The following AFDN variants were observed in gnomAD, a reference collection of about 807,000 sequenced individuals.
AFDN encodes afadin, adherens junction formation factor.
AFDN carries 68 observed loss-of-function variants against 216.6 expected under a neutral mutation model. The observed-to-expected ratio is 0.31, with a 90% CI of 0.26 to 0.38. The LOEUF (loss-of-function observed/expected upper bound fraction) is 0.38. Ranked by LOEUF, AFDN falls within the 10% of genes least tolerant of loss-of-function variation. The pLI is 1.00. For synonymous variants in AFDN, 868 were observed against 853.7 expected (o/e 1.02, Z -0.29); for missense variants, 2,136 against 2,342.0 (o/e 0.91, Z 1.82).
At chr6:167,966,826 G>A (rs1797614815) in intron 32 of AFDN, among the ~76,000 whole-genome samples, 1 of 152,212 alleles carries the variant, frequency 6.6e-6, no homozygotes, top group Non-Finnish European at 1.5e-5. Flanking sequence ...TGACCTCCGT[G>A]CAGGCTGCCT....
At chr6:167,952,577 C>T in intron 30 of AFDN, 1 of 895,502 alleles carries the variant, frequency 1.1e-6, no homozygotes, top group Non-Finnish European at 1.3e-6. Flanking sequence ...GCTTTGCAGG[C>T]CACGGGGTCT....
intron 20 of AFDN, among the ~76,000 whole-genome samples, chr6:167,917,544 A>G (rs9355044): frequency 0.45 from 68,975 of 151,954 alleles, 16,419 homozygotes; most frequent in East Asian, 0.8. Context: ...GAGGGTGGGT[A>G]CCTCTGTCAC....
At position 167,864,634 on chromosome 6, in the gene AFDN, T is replaced by C; in HGVS notation, c.189T>C (p.Ser63=). ...GNFATKCIRV[S]STATTQDVIE... ...TTGCAACAAAATGTATTCGGGTCTC[T>C]AGTACTGCCACCACTCAAGATGTAA... The change falls in exon 2 of 34, where the codon TCT becomes TCC. Residue 63 remains serine (S), a synonymous_variant. Transcript: ENST00000683244. 1 of 1,614,210 alleles carries C rather than the reference T, an allele frequency of 6.2e-7. No individual in the cohort carries two copies. The highest frequency in any genetic ancestry group is 8.5e-7 in the Non-Finnish European group (1 of 1,180,034).
chr6:167,907,343 A>T (rs146592283), intron 13 of AFDN, 54 bp downstream of exon 13: 2 of 1,385,244 alleles, frequency 1.4e-6, no homozygotes. Flanking sequence ...TTCCTAAAAA[A>T]GGGTTGGGAT....
intron 31 of AFDN, chr6:167,963,218 T>C: frequency 9.4e-7 from 1 of 1,065,606 alleles, no homozygotes; most frequent in Non-Finnish European, 1.1e-6. Context: ...GATGTTTCTC[T>C]CCATATCTCC....
At chr6:167,850,127 A>G (rs1782137277) in intron 1 of AFDN, among the ~76,000 whole-genome samples, 1 of 152,232 alleles carries the variant, frequency 6.6e-6, no homozygotes, top group South Asian at 2.1e-4. Flanking sequence ...AGAATGTCAA[A>G]TACTTGAACC....
At chr6:167,909,434 G>GT (rs1790114980) in intron 13 of AFDN, among the ~76,000 whole-genome samples, 1 of 152,018 alleles carries the variant, frequency 6.6e-6, no homozygotes, top group Non-Finnish European at 1.5e-5. Context: ...TAGCCAGTCT[G>GT]TAAACTATTA....
chr6:167,882,925 T>C (rs1786317134), intron 6 of AFDN, among the ~76,000 whole-genome samples: 2 of 152,138 alleles, frequency 1.3e-5, no homozygotes, highest in Admixed American at 6.6e-5. Flanking sequence ...ACAGTAACTA[T>C]GGTATCTGGC....
chr6:167,888,207 T>C (rs1787111992), intron 6 of AFDN, among the ~76,000 whole-genome samples: 1 of 152,174 alleles, frequency 6.6e-6, no homozygotes. Context: ...GAAGAAAGAT[T>C]GGTTAATTTA....
At chr6:167,906,333 GTTTT>G (rs1273562957) in intron 12 of AFDN, among the ~76,000 whole-genome samples, 1 of 152,030 alleles carries the variant, frequency 6.6e-6, no homozygotes, top group Non-Finnish European at 1.5e-5. Flanking sequence ...CTGAAAAAGT[GTTTT>G]TTTATCAAGA....
At chr6:167,918,559 G>A (rs1020263622) in intron 20 of AFDN, among the ~76,000 whole-genome samples, 176 bp from the exon 21 acceptor site, 1 of 152,174 alleles carries the variant, frequency 6.6e-6, no homozygotes, top group African/African-American at 2.4e-5. Context: ...GAAAACTGAT[G>A]ATGGGGGTAC....
Position 167,962,455 on chromosome 6 carries a change from G to A in AFDN, c.4856G>A (p.Arg1619Gln), listed in dbSNP as rs374832923. 1.1e-4 allele frequency: 181 copies of A among 1,613,614 alleles called. No homozygotes were observed. Among genetic ancestry groups the A allele is most frequent in the Non-Finnish European group, 1.4e-4 (166 of 1,179,718 alleles). ...RARLQDEERRRQQQLEEMRKR... is the reference protein window; with the variant it reads ...RARLQDEERRQQQQLEEMRKR... ...TAGTTGCAGGACGAGGAGCGGAGGCGGCAGCAGCAGTTAGAAGAGATGCGC... is the reference window on the plus strand; with the variant it reads ...TAGTTGCAGGACGAGGAGCGGAGGCAGCAGCAGCAGTTAGAAGAGATGCGC... The change falls in exon 31 of 34, where the codon CGG becomes CAG. Residue 1619 changes from arginine (R) to glutamine (Q), a missense_variant. Around this residue, in one of 8 missense-constraint regions of AFDN, gnomAD observed 981 missense variants for 966.0 expected, o/e 1.02. Coordinates refer to ENST00000683244, the MANE Select transcript of AFDN (RefSeq NM_001386888.1). This position sits in a 1 kb window ranked among gnomAD's most constrained non-coding sequence, Gnocchi z 5.2.
At chr6:167,847,184 A>G (rs935962974) in intron 1 of AFDN, among the ~76,000 whole-genome samples, 1 of 152,138 alleles carries the variant, frequency 6.6e-6, no homozygotes, top group African/African-American at 2.4e-5. Flanking sequence ...ATCTTCCATC[A>G]AATTCTTCCT....
At chr6:167,898,091 C>A in intron 10 of AFDN, 114 bp from the exon 11 acceptor site, 2 of 1,150,508 alleles carry the variant, frequency 1.7e-6, no homozygotes, top group Non-Finnish European at 1.2e-6. Context: ...ACTAAAAATC[C>A]AGAGCTTATT....
intron 9 of AFDN, 124 bp downstream of exon 9, chr6:167,894,030 A>G (rs1787933027): frequency 1.4e-6 from 1 of 722,448 alleles, no homozygotes; most frequent in East Asian, 2.8e-5. Context: ...AACCTATTTT[A>G]AGAAATTTAA....
chr6:167,880,311 T>G, intron 5 of AFDN, 49 bp from the exon 6 acceptor site: 10 of 1,564,576 alleles, frequency 6.4e-6, no homozygotes, highest in Non-Finnish European at 8.8e-6. Flanking sequence ...CTATCTCTGT[T>G]ACTGGCATAA....
rs775127129 is a variant in AFDN at position 167,867,682 on chromosome 6, C to T, written c.302-2704C>T. Among the ~76,000 whole-genome samples the T allele has an allele frequency of 5.9e-5, 9 of 152,246 alleles. No homozygotes were observed. In the South Asian group the frequency reaches 8.3e-4, roughly 14 times the overall value. On this transcript the variant is annotated intron_variant, in intron 2 of 33. Coordinates refer to ENST00000683244, the MANE Select transcript of AFDN (RefSeq NM_001386888.1). Reference sequence around the variant, plus strand: ...GCCTGACCTTGTGATCCACCTGCCTCGGCCTCCCAAAGTGCTGGGATTACA... The same window carrying T: ...GCCTGACCTTGTGATCCACCTGCCTTGGCCTCCCAAAGTGCTGGGATTACA...
intron 20 of AFDN, among the ~76,000 whole-genome samples, chr6:167,918,156 A>T (rs1243852581): frequency 1.3e-5 from 2 of 152,190 alleles, no homozygotes; most frequent in Non-Finnish European, 2.9e-5. Flanking sequence ...CATCTTTTTG[A>T]TCTGTACAGT....
At chr6:167,852,195 T>G (rs1406224052) in intron 1 of AFDN, among the ~76,000 whole-genome samples, 1 of 152,224 alleles carries the variant, frequency 6.6e-6, no homozygotes, top group Admixed American at 6.5e-5. Context: ...CGGTCCATAC[T>G]GAGATTCCCT....
Sources: gnomAD v4.1 joint callset for allele counts (sites outside exome capture counted in the v4.1 genomes callset) on GRCh38, gnomAD v4.1.1 for gene constraint, gnomAD v4.1.1 regional missense constraint, Gnocchi (gnomAD v3.1) non-coding constraint, MANE v1.5 for transcripts, NCBI Gene and HGNC (gene_info 2026-07-23, HGNC 2026-07-21) for gene names.